GALNT13: variants seen among roughly 807,000 people sequenced by gnomAD.
GALNT13 encodes the protein polypeptide N-acetylgalactosaminyltransferase 13.
Under a neutral mutation model 64.2 loss-of-function variants are expected in GALNT13, and 28 were observed. That is an observed-to-expected ratio of 0.44 (90% CI 0.32 to 0.60). The LOEUF (loss-of-function observed/expected upper bound fraction) is 0.60. Ranked by LOEUF, GALNT13 falls within the 20% of genes least tolerant of loss-of-function variation. The pLI is 0.05. For synonymous variants in GALNT13, 214 were observed against 224.6 expected (o/e 0.95, Z 0.42); for missense variants, 577 against 669.8 (o/e 0.86, Z 1.53).
the GALNT13 span, among the ~76,000 whole-genome samples, chr2:153,335,840 G>A: frequency 3.3e-4 from 50 of 152,260 alleles, no homozygotes; most frequent in African/African-American, 1.1e-3. Flanking sequence ...CTCCCATCAC[G>A]GACCTGGAGG....
the GALNT13 span, among the ~76,000 whole-genome samples, chr2:153,398,813 C>G: frequency 6.7e-3 from 933 of 139,150 alleles, 7 homozygotes; most frequent in African/African-American, 0.024. Context: ...ATTGTAGATT[C>G]TGGATATTAG....
chr2:154,317,402 A>G (rs1482938158), intron 9 of GALNT13, among the ~76,000 whole-genome samples: 1 of 152,146 alleles, frequency 6.6e-6, no homozygotes, highest in Non-Finnish European at 1.5e-5. Flanking sequence ...ATTGAGTAAT[A>G]TCTAGAAATA....
intron 3 of GALNT13, among the ~76,000 whole-genome samples, chr2:154,049,197 A>G (rs943175113): frequency 5.9e-5 from 9 of 151,940 alleles, no homozygotes; most frequent in Non-Finnish European, 1.5e-5. Flanking sequence ...ATACACTGAT[A>G]CACTGATCAA....
the GALNT13 span, among the ~76,000 whole-genome samples, chr2:153,617,327 G>T: frequency 6.6e-6 from 1 of 151,910 alleles, no homozygotes; most frequent in Admixed American, 6.6e-5. Context: ...TGATCATATG[G>T]TTTTATCCTT....
At chr2:153,552,294 G>C in the GALNT13 span, among the ~76,000 whole-genome samples, 1 of 152,158 alleles carries the variant, frequency 6.6e-6, no homozygotes, top group Non-Finnish European at 1.5e-5. Flanking sequence ...AATAGAAACA[G>C]AGCATTAAGG....
intron 12 of GALNT13, among the ~76,000 whole-genome samples, chr2:154,440,242 G>T (rs115240860): frequency 2.6e-5 from 4 of 152,074 alleles, no homozygotes; most frequent in African/African-American, 9.7e-5. Flanking sequence ...GGGAATGATC[G>T]TGTACATTTT....
At chr2:154,006,578 A>C (rs993067879) in intron 3 of GALNT13, among the ~76,000 whole-genome samples, 1 of 152,194 alleles carries the variant, frequency 6.6e-6, no homozygotes, top group Non-Finnish European at 1.5e-5. Context: ...CCAGTTGCAA[A>C]TTAGCGTTTT....
chr2:153,159,865 G>A, the GALNT13 span, among the ~76,000 whole-genome samples: 1 of 152,158 alleles, frequency 6.6e-6, no homozygotes, highest in Non-Finnish European at 1.5e-5. Flanking sequence ...AACATGAAAA[G>A]TTTGAGTTTC....
chr2:153,103,067 A>T, the GALNT13 span, among the ~76,000 whole-genome samples: 1 of 152,018 alleles, frequency 6.6e-6, no homozygotes, highest in East Asian at 1.9e-4. Flanking sequence ...CCCACCCTTC[A>T]TCTTTCAAAG....
chr2:154,030,534 G>A (rs573028574), intron 3 of GALNT13, among the ~76,000 whole-genome samples: 1 of 152,228 alleles, frequency 6.6e-6, no homozygotes, highest in Admixed American at 6.5e-5. Flanking sequence ...GTTCTTTAGG[G>A]ATATGGAATG....
At chr2:153,373,132 T>TTGTGTGTGTGTGTGTG in the GALNT13 span, among the ~76,000 whole-genome samples, 5 of 148,850 alleles carry the variant, frequency 3.4e-5, no homozygotes, top group Non-Finnish European at 7.5e-5. Context: ...TTCTGTTGCT[T>TTGTGTGTGTGTGTGTG]TGTGTGTGTG....
At chr2:154,353,059 A>G (rs546770425) in intron 9 of GALNT13, among the ~76,000 whole-genome samples, 3 of 152,256 alleles carry the variant, frequency 2.0e-5, no homozygotes, top group African/African-American at 7.2e-5. Flanking sequence ...TGAGCTTTAC[A>G]CTACAATGAC....
intron 3 of GALNT13, among the ~76,000 whole-genome samples, chr2:153,995,611 C>A (rs771311367): frequency 1.4e-4 from 22 of 152,074 alleles, no homozygotes; most frequent in Non-Finnish European, 3.1e-4. Context: ...ATGATCAAAT[C>A]AGTGTAGTTT....
chr2:153,194,739 CT>C, the GALNT13 span, among the ~76,000 whole-genome samples: 1 of 152,136 alleles, frequency 6.6e-6, no homozygotes, highest in African/African-American at 2.4e-5. Context: ...TAGAGAAAGA[CT>C]TTTTTCCTGT....
chr2:154,159,744 G>A (rs1684626324), intron 4 of GALNT13, among the ~76,000 whole-genome samples: 1 of 152,076 alleles, frequency 6.6e-6, no homozygotes, highest in Non-Finnish European at 1.5e-5. Context: ...ATTGAAAATA[G>A]TCTAATGTTG....
intron 3 of GALNT13, among the ~76,000 whole-genome samples, chr2:153,956,022 A>T (rs1692542418): frequency 6.6e-6 from 1 of 152,200 alleles, no homozygotes; most frequent in African/African-American, 2.4e-5. Flanking sequence ...CAAAACCCAA[A>T]ATCCATAGGC....
At chr2:154,227,480 C>G (rs1688680329) in intron 4 of GALNT13, among the ~76,000 whole-genome samples, 1 of 104,314 alleles carries the variant, frequency 9.6e-6, no homozygotes, top group African/African-American at 3.7e-5. Flanking sequence ...TCCCTCCCCC[C>G]TCCCCCCACC....
the GALNT13 span, among the ~76,000 whole-genome samples, chr2:153,775,127 TAGG>T: frequency 1.3e-5 from 2 of 152,216 alleles, no homozygotes; most frequent in Admixed American, 1.3e-4. Flanking sequence ...AATAAGTAGA[TAGG>T]AGAGGATGGG....
intron 8 of GALNT13, among the ~76,000 whole-genome samples, chr2:154,270,451 GT>G (rs1232397985): frequency 1.3e-5 from 2 of 151,656 alleles, no homozygotes; most frequent in African/African-American, 4.8e-5. Context: ...CCCATAATTC[GT>G]TTTTAAAGCA....
Sources: allele counts gnomAD v4.1 joint callset (sites outside exome capture counted in the v4.1 genomes callset), GRCh38; gene constraint gnomAD v4.1.1; transcripts MANE v1.5; gene names NCBI Gene and HGNC (gene_info 2026-07-23, HGNC 2026-07-21).